The following ABCB5 variants were observed in gnomAD, a reference collection of about 807,000 sequenced individuals.
ABCB5 encodes ATP-binding cassette sub-family B member 5.
Under a neutral mutation model 144.2 loss-of-function variants are expected in ABCB5, and 155 were observed. The ratio of observed to expected loss-of-function variants is 1.08; its 90% CI spans 0.94 to 1.23. The LOEUF (loss-of-function observed/expected upper bound fraction) is 1.23. ABCB5 is among the 50% of genes most tolerant of loss of function. The pLI, the probability that ABCB5 is intolerant of heterozygous loss-of-function variation, is 0.00. For missense variants in ABCB5, 1,830 were observed against 1,520.8 expected (o/e 1.20, Z -3.38); for synonymous variants, 610 against 528.6 (o/e 1.15, Z -2.11).
At chr7:20,664,066 A>G (rs1259004378) in intron 14 of ABCB5, among the ~76,000 whole-genome samples, 1 of 151,810 alleles carries the variant, frequency 6.6e-6, no homozygotes, top group African/African-American at 2.4e-5. Context: ...GAGATTAGTA[A>G]TCTAAGCCTG....
intron 23 of ABCB5, among the ~76,000 whole-genome samples, chr7:20,734,991 C>T (rs149726416): frequency 6.6e-6 from 1 of 152,306 alleles, no homozygotes; most frequent in African/African-American, 2.4e-5. Context: ...TTGCCTTTTG[C>T]AATACCGACC....
chr7:20,618,982 C>T (rs1317724058), intron 1 of ABCB5, among the ~76,000 whole-genome samples: 2 of 151,844 alleles, frequency 1.3e-5, no homozygotes, highest in African/African-American at 4.8e-5. Flanking sequence ...ACCATGTTGT[C>T]CAGGCTGCTC....
chr7:20,680,066 T>G lies in ABCB5; in HGVS notation c.1708-1439T>G, dbSNP rs565201096. Among the ~76,000 whole-genome samples, 43 of 152,304 alleles carry G rather than the reference T, an allele frequency of 2.8e-4. No homozygotes were observed. The East Asian group carries it at 6.2e-3, about 22-fold the overall frequency. On this transcript the variant is annotated intron_variant, in intron 14 of 27. Transcript: ENST00000404938. ...GTGGTATAGTCACGCAATAGAATAC[T>G]GTGTGGCAATAAGAATAAATTATCC... is the stretch of plus-strand genomic sequence containing the variant.
intron 5 of ABCB5, among the ~76,000 whole-genome samples, chr7:20,635,165 T>C (rs1220159950): frequency 6.6e-6 from 1 of 152,164 alleles, no homozygotes; most frequent in Non-Finnish European, 1.5e-5. Flanking sequence ...AGGATGTCCT[T>C]TTCCCAGTGT....
intron 5 of ABCB5, among the ~76,000 whole-genome samples, chr7:20,636,336 T>C (rs1583382771): frequency 1.3e-5 from 2 of 152,266 alleles, no homozygotes; most frequent in Admixed American, 1.3e-4. Context: ...GGAGCATCCA[T>C]TTAAAAGTAG....
chr7:20,700,338 C>G (rs950047197), intron 19 of ABCB5, among the ~76,000 whole-genome samples: 1 of 152,112 alleles, frequency 6.6e-6, no homozygotes, highest in Non-Finnish European at 1.5e-5. Context: ...TAAAAAAATA[C>G]AGCTTATAGA....
chr7:20,623,189 A>T, intron 1 of ABCB5, 76 bp from the exon 2 acceptor site: 1 of 843,686 alleles, frequency 1.2e-6, no homozygotes, highest in Non-Finnish European at 1.9e-6. Context: ...GAGATGTGGG[A>T]TGTAAAGAAT....
rs372335731 is a variant in ABCB5 at position 20,685,850 on chromosome 7, G to C, written c.2010+14G>C. 1.7e-5 allele frequency: 27 copies of C among 1,567,804 alleles called. 1 individual carries two copies. The highest frequency in any genetic ancestry group is 2.1e-5 in the Non-Finnish European group (24 of 1,164,064). On this transcript the variant is annotated intron_variant, in intron 16 of 27. Transcript: ENST00000404938. ...CAATCTAAAGAGGTAATGGCTCAGC[G>C]ATCAACCAGTTTTTCCTGCATGTTT...
rs1338671922 is a variant in ABCB5, at chr7:20,689,030, T to G, written c.2010+3194T>G. On this transcript the variant is annotated intron_variant, in intron 16 of 27. Coordinates refer to ENST00000404938, the MANE Select transcript of ABCB5 (RefSeq NM_001163941.2). ...ATACCTAAGGTAAATGACGAGTTAA[T>G]GGGTACAGCACACCAACATGGCACA... is the stretch of plus-strand genomic sequence containing the variant. 2.6e-5 allele frequency among the ~76,000 whole-genome samples: 4 copies of G among 152,164 alleles called. No individual in the cohort carries two copies. The East Asian group carries it at 7.7e-4, about 29-fold the overall frequency.
Position 20,738,991 on chromosome 7 carries a change from C to G in ABCB5, c.2876C>G (p.Thr959Ser). 6.3e-7 allele frequency: 1 copy of G among 1,596,424 alleles called. No homozygotes were observed. Among genetic ancestry groups the G allele is most frequent in the African/African-American group, 1.4e-5 (1 of 73,872 alleles). The change falls in exon 24 of 28, where the codon ACT becomes AGT. Residue 959 changes from threonine (T) to serine (S), a missense_variant. Coordinates refer to ENST00000404938, the MANE Select transcript of ABCB5 (RefSeq NM_001163941.2). Reference sequence around the variant, plus strand: ...GCTTTATCTTTTGATAGAGTTTTTACTGCAATTGCATATGGAGCTATGGCC... The same window carrying G: ...GCTTTATCTTTTGATAGAGTTTTTAGTGCAATTGCATATGGAGCTATGGCC... ...MTPEGMFIVF[T>S]AIAYGAMAIG...
intron 21 of ABCB5, among the ~76,000 whole-genome samples, chr7:20,724,308 G>A (rs542445932): frequency 9.9e-5 from 15 of 151,806 alleles, no homozygotes; most frequent in African/African-American, 2.2e-4. Context: ...CAGCTGAATC[G>A]CTGTAAACAA....
At chr7:20,641,352 A>AACACAC (rs111933366) in intron 5 of ABCB5, among the ~76,000 whole-genome samples, 13 of 108,500 alleles carry the variant, frequency 1.2e-4, no homozygotes, top group African/African-American at 4.8e-4. Flanking sequence ...ATTATTGCAA[A>AACACAC]ACACACACAC....
In ABCB5 at chr7:20,659,621, A is replaced by G. The variant is rs1583403668; in HGVS notation, c.1707+945A>G. On this transcript the variant is annotated intron_variant, in intron 14 of 27. Coordinates refer to ENST00000404938, the MANE Select transcript of ABCB5 (RefSeq NM_001163941.2). The stretch of plus-strand genomic sequence containing the variant: ...TAAATAATCTTTGTTTACTGTGGAC[A>G]CTTCGGCAATTTGGTTCATCTTGGT... 4.0e-6 allele frequency: 4 copies of G among 989,548 alleles called. No homozygotes were observed. The East Asian group carries it at 3.3e-4, about 82-fold the overall frequency. The allele number at this position is 989,548 out of a possible 1,614,324, so 61.3% of individuals were successfully genotyped here.
In ABCB5 at chr7:20,643,583, C is replaced by G. The variant is rs146831815; in HGVS notation, c.629C>G (p.Thr210Ser). The G allele has an allele frequency of 1.7e-4, 280 of 1,613,846 alleles. No individual in the cohort carries two copies. Among genetic ancestry groups the G allele is most frequent in the Non-Finnish European group, 2.2e-4 (262 of 1,179,900 alleles). The stretch of plus-strand genomic sequence containing the variant: ...AAGGGCTGGAAACTCACCCTAGTGA[C>G]TCTATCCACGTCTCCTCTTATAATG... Reference protein sequence around the residue: ...LVKGWKLTLVTLSTSPLIMAS... With the variant: ...LVKGWKLTLVSLSTSPLIMAS... The change falls in exon 7 of 28, where the codon ACT becomes AGT. Residue 210 changes from threonine (T) to serine (S), a missense_variant. Coordinates refer to ENST00000404938, the MANE Select transcript of ABCB5 (RefSeq NM_001163941.2).
Position 20,711,782 on chromosome 7 carries a change from T to TCTCTC in ABCB5, c.2421+6975_2421+6976insCTCTC, listed in dbSNP as rs763835293. On this transcript the variant is annotated intron_variant, in intron 20 of 27. Transcript: ENST00000404938. ...CCTGCCTGCCTTTCCTTCTTTCTCTTTCTTTCTTTCTTTCTTTCTTTCTTT... is the reference window on the plus strand; with the variant it reads ...CCTGCCTGCCTTTCCTTCTTTCTCTTCTCTCTCTTTCTTTCTTTCTTTCTTTCTTT... Among the ~76,000 whole-genome samples, 488 of 72,160 alleles carry TCTCTC rather than the reference T, an allele frequency of 6.8e-3. 58 individuals are homozygous for TCTCTC. Among genetic ancestry groups the TCTCTC allele is most frequent in the East Asian group, 0.038 (80 of 2,132 alleles). 47.3% of individuals were successfully genotyped at this position (72,160 alleles called of 152,430 possible). A position where few individuals can be genotyped will look rare whatever the true frequency, so the allele number is the denominator to read the frequency against.
chr7:20,668,129 T>C (rs4721929), intron 14 of ABCB5, among the ~76,000 whole-genome samples: 93,036 of 104,808 alleles, frequency 0.89, 41,024 homozygotes, highest in East Asian at 1. Flanking sequence ...ATTGCAGCCT[T>C]TGCCCAGCCG....
chr7:20,737,744 A>C lies in ABCB5; in HGVS notation c.2868-1239A>C, dbSNP rs553158260. ...CAGTCTGATTTTTCCTTGCATTAAA[A>C]ACACATTTAAAAAAAAAAACCTTCT... On this transcript the variant is annotated intron_variant, in intron 23 of 27. Coordinates refer to ENST00000404938, the MANE Select transcript of ABCB5 (RefSeq NM_001163941.2). 2.7e-5 allele frequency among the ~76,000 whole-genome samples: 4 copies of C among 149,878 alleles called. No individual in the cohort carries two copies. The South Asian group carries it at 8.3e-4, about 31-fold the overall frequency.
intron 8 of ABCB5, 40 bp from the exon 9 acceptor site, chr7:20,645,921 T>C (rs1784394353): frequency 6.2e-7 from 1 of 1,612,476 alleles, no homozygotes; most frequent in African/African-American, 1.3e-5. Context: ...TTGGTTTTAT[T>C]TTCCCCAGTG....
intron 15 of ABCB5, among the ~76,000 whole-genome samples, chr7:20,683,538 CT>C (rs1371621662): frequency 2.0e-4 from 31 of 151,528 alleles, no homozygotes; most frequent in Non-Finnish European, 1.5e-5. Context: ...TGTAATTAAA[CT>C]AAAAATCCAT....
Sources: allele counts gnomAD v4.1 joint callset (sites outside exome capture counted in the v4.1 genomes callset), GRCh38; gene constraint gnomAD v4.1.1; transcripts MANE v1.5; gene names NCBI Gene and HGNC (gene_info 2026-07-23, HGNC 2026-07-21).